The following OPCML variants were observed in gnomAD, a reference collection of about 807,000 sequenced individuals.
The protein encoded by OPCML is opioid binding protein/cell adhesion molecule like.
In OPCML, 13 loss-of-function variants were observed where a neutral mutation model predicts 37.8. The ratio of observed to expected loss-of-function variants is 0.34; its 90% CI spans 0.22 to 0.55. OPCML has a LOEUF of 0.55. Ranked by LOEUF, OPCML falls within the 20% of genes least tolerant of loss-of-function variation. The pLI, the probability that OPCML is intolerant of heterozygous loss-of-function variation, is 0.91. For synonymous variants in OPCML, 176 were observed against 168.8 expected (o/e 1.04, Z -0.33); for missense variants, 341 against 435.6 (o/e 0.78, Z 1.93).
chr11:132,745,807 C>T (rs549359236), intron 2 of OPCML, among the ~76,000 whole-genome samples: 1 of 152,218 alleles, frequency 6.6e-6, no homozygotes, highest in East Asian at 1.9e-4. Context: ...CATTCAGGGT[C>T]AACTAAAGGG....
chr11:132,676,352 T>C (rs1274010540), intron 2 of OPCML, among the ~76,000 whole-genome samples: 1 of 152,106 alleles, frequency 6.6e-6, no homozygotes, highest in Non-Finnish European at 1.5e-5. Context: ...AACATAGACA[T>C]AGTCTTTGGG....
intron 4 of OPCML, among the ~76,000 whole-genome samples, chr11:132,482,587 T>C (rs1472684785): frequency 1.3e-5 from 2 of 152,344 alleles, no homozygotes. Flanking sequence ...AGCATCATTC[T>C]GATACCAAAG....
intron 1 of OPCML, among the ~76,000 whole-genome samples, chr11:133,271,346 T>G (rs1041200493): frequency 6.6e-6 from 1 of 152,338 alleles, no homozygotes; most frequent in Non-Finnish European, 1.5e-5. Flanking sequence ...AGCACTCTTC[T>G]TCAGTTCTCA....
At chr11:132,591,417 G>A (rs1253149505) in intron 3 of OPCML, among the ~76,000 whole-genome samples, 1 of 152,178 alleles carries the variant, frequency 6.6e-6, no homozygotes, top group Non-Finnish European at 1.5e-5. Flanking sequence ...AGTAAAAGAG[G>A]AGCTGTACTT....
At chr11:132,678,301 C>T (rs2135842177) in intron 2 of OPCML, among the ~76,000 whole-genome samples, 1 of 152,246 alleles carries the variant, frequency 6.6e-6, no homozygotes, top group Non-Finnish European at 1.5e-5. Flanking sequence ...GGTAGGAATG[C>T]AAAATGATAT....
At chr11:133,263,039 T>C (rs1443279749) in intron 1 of OPCML, among the ~76,000 whole-genome samples, 1 of 151,590 alleles carries the variant, frequency 6.6e-6, no homozygotes, top group Non-Finnish European at 1.5e-5. Context: ...AGAAGAGTGG[T>C]CATGCAAAAG....
chr11:133,333,046 C>CTAG (rs34681592), intron 1 of OPCML, among the ~76,000 whole-genome samples: 9,293 of 151,196 alleles, frequency 0.061, 390 homozygotes, highest in African/African-American at 0.12. Context: ...AGTAGTAGTA[C>CTAG]TAGTAGTAGT....
chr11:132,631,375 A>ATATATATATATATATATATATATC (rs1491278364), intron 3 of OPCML, among the ~76,000 whole-genome samples: 1 of 139,592 alleles, frequency 7.2e-6, no homozygotes, highest in African/African-American at 2.6e-5. Flanking sequence ...ATATATATAT[A>ATATATATATATATATATATATATC]TCTCCTAGGT....
At chr11:132,618,647 T>C (rs922691487) in intron 3 of OPCML, among the ~76,000 whole-genome samples, 1 of 152,178 alleles carries the variant, frequency 6.6e-6, no homozygotes, top group Admixed American at 6.5e-5. Flanking sequence ...TCCACATAGA[T>C]CTTGTAATTG....
intron 2 of OPCML, among the ~76,000 whole-genome samples, chr11:132,728,221 A>G (rs1199760714): frequency 6.6e-6 from 1 of 151,906 alleles, no homozygotes; most frequent in African/African-American, 2.4e-5. Flanking sequence ...CTGTAGCCCC[A>G]GGCAGAAAGG....
chr11:132,667,306 A>G (rs1257786007), intron 2 of OPCML, among the ~76,000 whole-genome samples: 1 of 152,202 alleles, frequency 6.6e-6, no homozygotes, highest in East Asian at 1.9e-4. Flanking sequence ...TAGCCTGCAT[A>G]TCACCTGTGC....
chr11:133,171,204 G>A (rs148125654), intron 1 of OPCML, among the ~76,000 whole-genome samples: 2 of 152,326 alleles, frequency 1.3e-5, no homozygotes, highest in African/African-American at 4.8e-5. Context: ...CAATTCTGTG[G>A]CTGCAAAAGC....
At chr11:132,437,105 A>G in intron 5 of OPCML, 117 bp downstream of exon 5, 1 of 1,479,184 alleles carries the variant, frequency 6.8e-7, no homozygotes, top group South Asian at 1.3e-5. Context: ...CTGATGAAGT[A>G]TTTTCCTGTT....
At chr11:133,082,365 GTCCCCTCCCCACCCTCCCCTCT>G (rs1447387486) in intron 1 of OPCML, among the ~76,000 whole-genome samples, 2 of 145,536 alleles carry the variant, frequency 1.4e-5, no homozygotes, top group African/African-American at 5.1e-5. Flanking sequence ...CCGCTGCGCC[GTCCCCTCCCCACCCTCCCCTCT>G]TCCCCTCCCC....
intron 3 of OPCML, among the ~76,000 whole-genome samples, chr11:132,639,169 CA>C (rs1940699144): frequency 6.6e-6 from 1 of 152,200 alleles, no homozygotes; most frequent in African/African-American, 2.4e-5. Flanking sequence ...GGACCCAGTA[CA>C]GCTTTTAACA....
At chr11:133,296,408 T>C (rs1942631705) in intron 1 of OPCML, among the ~76,000 whole-genome samples, 1 of 152,168 alleles carries the variant, frequency 6.6e-6, no homozygotes. Context: ...GCAGGTACTG[T>C]GGAGTGAGGT....
intron 1 of OPCML, among the ~76,000 whole-genome samples, chr11:133,494,485 T>C (rs1315302078): frequency 6.7e-6 from 1 of 149,810 alleles, no homozygotes; most frequent in Non-Finnish European, 1.5e-5. Flanking sequence ...TGTCCAACAA[T>C]GATAGACTGG....
At chr11:133,255,458 A>T (rs2136443617) in intron 1 of OPCML, among the ~76,000 whole-genome samples, 1 of 152,344 alleles carries the variant, frequency 6.6e-6, no homozygotes, top group Admixed American at 6.5e-5. Flanking sequence ...AGCTTTAAAA[A>T]AGAAGATAAG....
At chr11:133,217,259 C>T (rs1185544965) in intron 1 of OPCML, among the ~76,000 whole-genome samples, 1 of 152,198 alleles carries the variant, frequency 6.6e-6, no homozygotes, top group African/African-American at 2.4e-5. Flanking sequence ...TCCAGTGCCC[C>T]CCAAAACAAA....
Sources: allele counts gnomAD v4.1 joint callset (sites outside exome capture counted in the v4.1 genomes callset), GRCh38; gene constraint gnomAD v4.1.1; transcripts MANE v1.5; gene names NCBI Gene and HGNC (gene_info 2026-07-23, HGNC 2026-07-21).